NCOA3: variants seen among roughly 807,000 people sequenced by gnomAD.
NCOA3 encodes the protein CBP-interacting protein.
Under a neutral mutation model 158.8 loss-of-function variants are expected in NCOA3, and 51 were observed. The ratio of observed to expected loss-of-function variants is 0.32; its 90% CI spans 0.26 to 0.41. NCOA3 has a LOEUF of 0.41. Ranked by LOEUF, NCOA3 falls within the 10% of genes least tolerant of loss-of-function variation. NCOA3 has a pLI of 1.00. For synonymous variants in NCOA3, 537 were observed against 592.4 expected (o/e 0.91, Z 1.36); for missense variants, 1,510 against 1,746.6 (o/e 0.86, Z 2.41).
At chr20:47,649,916 C>T (rs2086754107) in intron 19 of NCOA3, among the ~76,000 whole-genome samples, 1 of 150,260 alleles carries the variant, frequency 6.7e-6, no homozygotes, top group Admixed American at 6.7e-5. Context: ...CTCCAGATAG[C>T]TTCTGCTTGC....
chr20:47,547,213 C>G (rs900126602), intron 1 of NCOA3, among the ~76,000 whole-genome samples: 11 of 152,036 alleles, frequency 7.2e-5, no homozygotes, highest in African/African-American at 2.4e-4. Context: ...GGTAGATGTT[C>G]ATCATTCATT....
At chr20:47,650,927 G>A in intron 19 of NCOA3, 55 bp from the exon 20 acceptor site, 2 of 1,524,592 alleles carry the variant, frequency 1.3e-6, no homozygotes, top group Non-Finnish European at 9.0e-7. Flanking sequence ...CTATATGTAT[G>A]CAACTGGCAG....
intron 1 of NCOA3, among the ~76,000 whole-genome samples, chr20:47,524,546 T>A (rs1366814431): frequency 3.3e-5 from 5 of 151,980 alleles, no homozygotes; most frequent in African/African-American, 1.2e-4. Flanking sequence ...TTAGATAAAA[T>A]GACTTGGGCA....
chr20:47,618,373 A>G lies in NCOA3; in HGVS notation c.-19-3856A>G, dbSNP rs1335615236. On this transcript the variant is annotated intron_variant, in intron 2 of 22. Coordinates refer to ENST00000371998, the MANE Select transcript of NCOA3 (RefSeq NM_181659.3). Reference sequence around the variant, plus strand: ...GTTTTTTTTTTTTTTTTTTTTTTATAGACAGAATTCACTCTTGCTGCCTAG... The same window carrying G: ...GTTTTTTTTTTTTTTTTTTTTTTATGGACAGAATTCACTCTTGCTGCCTAG... Among the ~76,000 whole-genome samples the G allele has an allele frequency of 1.6e-4, 8 of 48,820 alleles. No individual in the cohort carries two copies. In the East Asian group the frequency reaches 3.8e-3, roughly 23 times the overall value. The allele number at this position is 48,820 out of a possible 152,430, so 32.0% of individuals were successfully genotyped here.
intron 1 of NCOA3, among the ~76,000 whole-genome samples, chr20:47,558,129 C>T (rs2085037107): frequency 6.7e-6 from 1 of 149,780 alleles, no homozygotes; most frequent in Non-Finnish European, 1.5e-5. Context: ...GCAATCTCGG[C>T]TCACTGCAAC....
chr20:47,611,415 C>G (rs2086040628), intron 2 of NCOA3, among the ~76,000 whole-genome samples: 1 of 152,112 alleles, frequency 6.6e-6, no homozygotes. Context: ...ATAAGTACTA[C>G]TTTTGATGTA....
At chr20:47,608,620 C>T (rs117111850) in intron 2 of NCOA3, among the ~76,000 whole-genome samples, 10,175 of 129,344 alleles carry the variant, frequency 0.079, 445 homozygotes, top group Middle Eastern at 0.15. Flanking sequence ...GCCTGGGTGA[C>T]AGAGCTGAGA....
intron 2 of NCOA3, among the ~76,000 whole-genome samples, chr20:47,604,880 T>A (rs1568719457): frequency 6.6e-6 from 1 of 152,250 alleles, no homozygotes; most frequent in Non-Finnish European, 1.5e-5. Flanking sequence ...TTATTTATTT[T>A]TTTTGAGGTG....
chr20:47,623,870 A>G, intron 3 of NCOA3, 41 bp from the exon 4 acceptor site: 2 of 1,566,298 alleles, frequency 1.3e-6, no homozygotes, highest in East Asian at 4.5e-5. Flanking sequence ...TGATATATAT[A>G]TTATGTCTCC....
intron 1 of NCOA3, among the ~76,000 whole-genome samples, chr20:47,528,736 G>T (rs1377910345): frequency 1.3e-5 from 2 of 152,098 alleles, no homozygotes; most frequent in African/African-American, 2.4e-5. Flanking sequence ...TTAAATTATT[G>T]TAACACTATA....
rs775751427 is a variant in NCOA3 at position 47,624,019 on chromosome 20, C to T, written c.192C>T (p.Val64=). The change falls in exon 4 of 23, where the codon GTC becomes GTT. Residue 64 remains valine (V), a synonymous_variant. Coordinates refer to ENST00000371998, the MANE Select transcript of NCOA3 (RefSeq NM_181659.3). ...TTAGTGATATTGACAATTTCAATGTCAAACCAGATAAATGTGCGATTTTAA... is the reference window on the plus strand; with the variant it reads ...TTAGTGATATTGACAATTTCAATGTTAAACCAGATAAATGTGCGATTTTAA... The part of the protein sequence containing the change: ...ANLSDIDNFN[V]KPDKCAILKE... 6.2e-7 allele frequency: 1 copy of T among 1,613,038 alleles called. No homozygotes were observed.
chr20:47,632,305 C>T (rs954709267), intron 8 of NCOA3, among the ~76,000 whole-genome samples: 2 of 151,752 alleles, frequency 1.3e-5, no homozygotes, highest in African/African-American at 4.8e-5. Context: ...GTTCCATGCC[C>T]TCTCTGGGCT....
At chr20:47,605,938 G>GT (rs2085940387) in intron 2 of NCOA3, among the ~76,000 whole-genome samples, 1 of 152,178 alleles carries the variant, frequency 6.6e-6, no homozygotes, top group African/African-American at 2.4e-5. Context: ...CCTGCAGATA[G>GT]TAGATACTAA....
At position 47,625,367 on chromosome 20, in the gene NCOA3, T is replaced by C. The variant is rs774175798; in HGVS notation, c.257-14T>C. The C allele has an allele frequency of 1.3e-6, 2 of 1,567,966 alleles. No individual in the cohort carries two copies. On this transcript the variant is annotated splice_polypyrimidine_tract_variant and intron_variant, in intron 4 of 22. Transcript: ENST00000371998. ...ATAGTGTGTTATTCGTTATACCACCTTCTGTCTTTTCAGGAAAAACTATTT... is the reference window on the plus strand; with the variant it reads ...ATAGTGTGTTATTCGTTATACCACCCTCTGTCTTTTCAGGAAAAACTATTT...
chr20:47,653,539 T>TC lies in NCOA3; in HGVS notation c.*123dup. 8.4e-7 allele frequency: 1 copy of TC among 1,185,004 alleles called. No homozygotes were observed. Among genetic ancestry groups the TC allele is most frequent in the South Asian group, 1.3e-5 (1 of 75,950 alleles). 73.4% of individuals were successfully genotyped at this position (1,185,004 alleles called of 1,614,324 possible). Reference sequence around the variant, plus strand: ...AAGAAAGGACCAGCTTTGAGCTCCATCAAGGGTATTTTAAGTGATGTCATT... The same window carrying TC: ...AAGAAAGGACCAGCTTTGAGCTCCATCCAAGGGTATTTTAAGTGATGTCATT... On this transcript the variant is annotated 3_prime_UTR_variant, in exon 23 of 23. Transcript: ENST00000371998.
intron 2 of NCOA3, among the ~76,000 whole-genome samples, chr20:47,621,192 A>G (rs576246930): frequency 6.6e-6 from 1 of 152,266 alleles, no homozygotes; most frequent in East Asian, 1.9e-4. Context: ...CAATGTTGCA[A>G]TCTAGATTTT....
intron 1 of NCOA3, among the ~76,000 whole-genome samples, chr20:47,534,325 A>G (rs890444277): frequency 1.3e-5 from 2 of 151,164 alleles, no homozygotes; most frequent in Non-Finnish European, 2.9e-5. Context: ...TGAACTTGTG[A>G]TTATTTCTTT....
At position 47,554,366 on chromosome 20, in the gene NCOA3, G is replaced by T. The variant is rs796588675; in HGVS notation, c.-98-28817G>T. ...CTGTAGGTTGCCTGTTCACTCTGAT[G>T]GTGGTTTCTTTTGCTGTGCAGAAGC... is the stretch of plus-strand genomic sequence containing the variant. On this transcript the variant is annotated intron_variant, in intron 1 of 22. Transcript: ENST00000371998. Among the ~76,000 whole-genome samples, 699 of 152,006 alleles carry T rather than the reference G, an allele frequency of 4.6e-3. 16 individuals carry two copies. Among genetic ancestry groups the T allele is most frequent in the South Asian group, 0.043 (208 of 4,810 alleles).
chr20:47,620,908 C>G (rs1190783277), intron 2 of NCOA3, among the ~76,000 whole-genome samples: 1 of 152,180 alleles, frequency 6.6e-6, no homozygotes. Context: ...AAAATCTGGA[C>G]TGTTTACAGA....
Sources: gnomAD v4.1 joint callset for allele counts (sites outside exome capture counted in the v4.1 genomes callset) on GRCh38, gnomAD v4.1.1 for gene constraint, MANE v1.5 for transcripts, NCBI Gene and HGNC (gene_info 2026-07-23, HGNC 2026-07-21) for gene names.